MYO1F: variants seen among roughly 807,000 people sequenced by gnomAD.
MYO1F encodes myosin IF.
In MYO1F, 60 loss-of-function variants were observed where a neutral mutation model predicts 146.6. The ratio of observed to expected loss-of-function variants is 0.41; its 90% confidence interval spans 0.33 to 0.51. The LOEUF (loss-of-function observed/expected upper bound fraction) is 0.51. MYO1F is among the 20% of genes least tolerant of loss of function. The pLI is 0.25. For synonymous variants in MYO1F, 602 were observed against 602.1 expected (o/e 1.00, Z 0.00); for missense variants, 1,274 against 1,534.3 (o/e 0.83, Z 2.83).
At chr19:8,539,234 G>A (rs1310177879) in intron 16 of MYO1F, among the ~76,000 whole-genome samples, 1 of 152,000 alleles carries the variant, frequency 6.6e-6, no homozygotes, top group African/African-American at 2.4e-5. Context: ...GGCCAACATG[G>A]TGAAACCCTG....
chr19:8,573,276 A>C (rs2042144180), intron 1 of MYO1F, among the ~76,000 whole-genome samples: 2 of 151,848 alleles, frequency 1.3e-5, no homozygotes, highest in South Asian at 2.1e-4. Flanking sequence ...ATGCCACTGC[A>C]CTCCATCCTG....
In MYO1F at chr19:8,552,029, G is replaced by A. The variant is rs537173637; in HGVS notation, c.636+4C>T. 1 of 1,613,880 alleles carries A rather than the reference G, an allele frequency of 6.2e-7. No homozygotes were observed. Among genetic ancestry groups the A allele is most frequent in the African/African-American group, 1.3e-5 (1 of 74,964 alleles). On this transcript the variant is annotated splice_donor_region_variant and intron_variant, in intron 7 of 27. Coordinates refer to ENST00000644032, the MANE Select transcript of MYO1F (RefSeq NM_012335.4). ...CTCCCTCTCCCCCGGCCCCTTCCCT[G>A]CACCTGGTAGTAGATGTGGAAGTTC...
chr19:8,536,189 C>A, intron 19 of MYO1F, 63 bp downstream of exon 19: 1 of 1,548,722 alleles, frequency 6.5e-7, no homozygotes. Context: ...CTCTCTCAGT[C>A]CCTCTCTATA....
chr19:8,523,655 T>A (rs1410805518), intron 25 of MYO1F, among the ~76,000 whole-genome samples: 1 of 152,094 alleles, frequency 6.6e-6, no homozygotes, highest in African/African-American at 2.4e-5. Flanking sequence ...TTGGCCTTAT[T>A]TATTTTTTAT....
chr19:8,574,209 C>T (rs12611122), intron 1 of MYO1F, among the ~76,000 whole-genome samples: 12,836 of 152,180 alleles, frequency 0.084, 1,048 homozygotes, highest in East Asian at 0.45. Flanking sequence ...ATTATCACCA[C>T]GAACCTGCAA....
chr19:8,550,770 C>T, intron 8 of MYO1F, 76 bp from the exon 9 acceptor site: 15 of 1,600,548 alleles, frequency 9.4e-6, no homozygotes, highest in Non-Finnish European at 1.3e-5. Flanking sequence ...GCTTGAGGGA[C>T]CACAGCACGG....
chr19:8,553,034 A>G (rs1053260824), intron 6 of MYO1F, 105 bp downstream of exon 6: 34 of 1,129,940 alleles, frequency 3.0e-5, no homozygotes, highest in South Asian at 3.0e-4. Flanking sequence ...TGGGTTTTCA[A>G]TGGACTCTTG....
Position 8,530,657 on chromosome 19 carries a change from A to G in MYO1F, c.2044-84T>C. The G allele has an allele frequency of 1.8e-6, 2 of 1,099,908 alleles. No individual in the cohort carries two copies. The highest frequency in any genetic ancestry group is 3.4e-5 in the Admixed American group (2 of 58,248). The allele number at this position is 1,099,908 out of a possible 1,614,324, so 68.1% of individuals were successfully genotyped here. On this transcript the variant is annotated intron_variant, in intron 19 of 27. Coordinates refer to ENST00000644032, the MANE Select transcript of MYO1F (RefSeq NM_012335.4). This position sits in a 1 kb window ranked among gnomAD's most constrained non-coding sequence, Gnocchi z 5.8. ...TCCGGGTTTTCCCTGCGCTCACCCTACTCACACGCTTTTGCTCACCCATCC... is the reference window on the plus strand; with the variant it reads ...TCCGGGTTTTCCCTGCGCTCACCCTGCTCACACGCTTTTGCTCACCCATCC...
Position 8,530,766 on chromosome 19 carries a change from G to T in MYO1F, c.2044-193C>A, listed in dbSNP as rs575214542. Among the ~76,000 whole-genome samples the T allele has an allele frequency of 6.6e-6, 1 of 152,212 alleles. No homozygotes were observed. The highest frequency in any genetic ancestry group is 1.9e-4 in the East Asian group (1 of 5,196). Reference sequence around the variant, plus strand: ...AGAAAAGAAGAAAAAGGGGCCGGGCGCAGTGGCTCACGCCTGTAATCCTAG... The same window carrying T: ...AGAAAAGAAGAAAAAGGGGCCGGGCTCAGTGGCTCACGCCTGTAATCCTAG... On this transcript the variant is annotated intron_variant, in intron 19 of 27. Coordinates refer to ENST00000644032, the MANE Select transcript of MYO1F (RefSeq NM_012335.4). The surrounding 1 kb of genome is among the most constrained non-coding windows in gnomAD (Gnocchi z 5.8).
Position 8,544,457 on chromosome 19 carries a change from G to A in MYO1F, c.1364C>T (p.Pro455Leu), listed in dbSNP as rs1354731213. The A allele has an allele frequency of 6.2e-7, 1 of 1,609,476 alleles. No individual in the cohort carries two copies. ...CDLIENKLSP[P>L]GIMSVLDDVC... ...GTCGTCCAAGACGCTCATGATGCCT[G>A]GGGGGCTCTGCGGGGCGAGCGGGAG... Residue 455 changes from proline to leucine, a missense_variant, in exon 14 of 28, where the codon CCA (proline) becomes CTA (leucine). Around this residue, in one of 2 missense-constraint regions of MYO1F, gnomAD observed 900 missense variants for 1,155.1 expected, o/e 0.78. Coordinates refer to ENST00000644032, the MANE Select transcript of MYO1F (RefSeq NM_012335.4).
chr19:8,523,614 A>T (rs955578508), intron 25 of MYO1F, among the ~76,000 whole-genome samples: 2 of 151,354 alleles, frequency 1.3e-5, no homozygotes, highest in African/African-American at 4.9e-5. Flanking sequence ...GCCTCCCAAC[A>T]TGCTGGTTTT....
chr19:8,536,804 T>C (rs1282564770), intron 17 of MYO1F, 145 bp downstream of exon 17: 2 of 592,658 alleles, frequency 3.4e-6, no homozygotes, highest in Non-Finnish European at 6.0e-6. Flanking sequence ...CCTTCTGGGG[T>C]CAGTTCTGCA....
intron 2 of MYO1F, 60 bp downstream of exon 2, chr19:8,555,599 C>G: frequency 6.2e-7 from 1 of 1,611,210 alleles, no homozygotes; most frequent in Non-Finnish European, 8.5e-7. Flanking sequence ...TCCTCTCCGT[C>G]CATGGCCCAG....
rs763925933 is a variant in MYO1F at position 8,548,009 on chromosome 19, C to T, written c.1269+27G>A. On this transcript the variant is annotated intron_variant, in intron 12 of 27. Transcript: ENST00000644032. ...CCACCCCACCCCCACCCCAGGATCC[C>T]CCATCCCTGACTGCTTGGCCGCCCA... The T allele has an allele frequency of 3.2e-6, 5 of 1,565,520 alleles. No individual in the cohort carries two copies. The South Asian group carries it at 3.4e-5, about 11-fold the overall frequency.
intron 19 of MYO1F, among the ~76,000 whole-genome samples, chr19:8,531,101 G>A (rs969003851): frequency 2.0e-5 from 3 of 151,772 alleles, no homozygotes; most frequent in Non-Finnish European, 2.9e-5. Flanking sequence ...TAATCCCAGC[G>A]CCTTGGGAGG....
At chr19:8,560,807 C>G (rs4605306) in intron 1 of MYO1F, among the ~76,000 whole-genome samples, 1 of 149,136 alleles carries the variant, frequency 6.7e-6, no homozygotes, top group Middle Eastern at 3.3e-3. Context: ...GGCACGATCT[C>G]GGCTCACTGC....
intron 13 of MYO1F, 75 bp downstream of exon 13, chr19:8,545,575 G>C: frequency 8.0e-7 from 1 of 1,245,550 alleles, no homozygotes; most frequent in Non-Finnish European, 1.2e-6. Flanking sequence ...AACACCCTTG[G>C]CCCTCCCCCT....
Position 8,536,882 on chromosome 19 carries a change from C to T in MYO1F, c.1799+67G>A, listed in dbSNP as rs904584892. The T allele has an allele frequency of 1.3e-5, 15 of 1,189,974 alleles. No individual in the cohort carries two copies. The African/African-American group carries it at 1.4e-4, about 11-fold the overall frequency. 73.7% of individuals were successfully genotyped at this position (1,189,974 alleles called of 1,614,324 possible). A position where few individuals can be genotyped will look rare whatever the true frequency, so the allele number is the denominator to read the frequency against. On this transcript the variant is annotated intron_variant, in intron 17 of 27. Coordinates refer to ENST00000644032, the MANE Select transcript of MYO1F (RefSeq NM_012335.4). ...CCTACAGGAGGTCAGGGAGGTGTCT[C>T]GGTCAGTTCTAGGGGTAACTGCAGG...
At position 8,559,336 on chromosome 19, in the gene MYO1F, T is replaced by TGGGG. The variant is rs1156978401; in HGVS notation, c.4-3544_4-3541dup. 7.1e-3 allele frequency among the ~76,000 whole-genome samples: 154 copies of TGGGG among 21,842 alleles called. 1 individual carries two copies. The highest frequency in any genetic ancestry group is 0.012 in the African/African-American group (143 of 11,584). The allele number at this position is 21,842 out of a possible 152,430, so 14.3% of individuals were successfully genotyped here. ...GAGCCACGGAATGTTCTTGAGGGGG[T>TGGGG]GGGGGGTGGGGGGTGGGGGTGGAGG... On this transcript the variant is annotated intron_variant, in intron 1 of 27. Transcript: ENST00000644032.
Sources: gnomAD v4.1 joint callset for allele counts (sites outside exome capture counted in the v4.1 genomes callset) on GRCh38, gnomAD v4.1.1 for gene constraint, gnomAD v4.1.1 regional missense constraint, Gnocchi (gnomAD v3.1) non-coding constraint, MANE v1.5 for transcripts, NCBI Gene and HGNC (gene_info 2026-07-23, HGNC 2026-07-21) for gene names.